The following PCCA variants were observed in gnomAD, a reference collection of about 807,000 sequenced individuals.
PCCA encodes the protein propionyl-CoA carboxylase subunit alpha.
PCCA carries 74 observed loss-of-function variants against 101.3 expected under a neutral mutation model. That is an observed-to-expected ratio of 0.73 (90% CI 0.61 to 0.89). The LOEUF is 0.89. Ranked by LOEUF, PCCA falls within the 40% of genes least tolerant of loss-of-function variation. The pLI is 0.00. For missense variants in PCCA, 891 were observed against 907.0 expected (o/e 0.98, Z 0.23); for synonymous variants, 294 against 313.6 (o/e 0.94, Z 0.66).
chr13:100,332,837 ATTGCTTTTAGCAATTATTTAG>A (rs1287182058), intron 17 of PCCA, among the ~76,000 whole-genome samples: 4 of 152,194 alleles, frequency 2.6e-5, no homozygotes, highest in Admixed American at 6.5e-5. Flanking sequence ...ATTGGCATAC[ATTGCTTTTAGCAATTATTTAG>A]TTGCAGCCTT....
chr13:100,111,972 C>A (rs2048361409), intron 3 of PCCA, 21 bp from the exon 4 acceptor site: 1 of 1,543,752 alleles, frequency 6.5e-7, no homozygotes, highest in Non-Finnish European at 9.0e-7. Flanking sequence ...TATTAATAGA[C>A]ATTAATATAT....
rs142321935 is a variant in PCCA at position 100,320,834 on chromosome 13, C to T, written c.1430-9727C>T. On this transcript the variant is annotated intron_variant, in intron 16 of 23. Coordinates refer to ENST00000376285, the MANE Select transcript of PCCA (RefSeq NM_000282.4). ...TGGCACAATTATAGCTCACTGCAGC[C>T]TTGAATTCCTGGATTCAAGTGATCT... Among the ~76,000 whole-genome samples the T allele has an allele frequency of 2.3e-4, 35 of 152,286 alleles. No homozygotes were observed. In the East Asian group the frequency reaches 6.6e-3, roughly 29 times the overall value.
chr13:100,187,987 T>A (rs2057432504), intron 6 of PCCA, among the ~76,000 whole-genome samples: 1 of 151,672 alleles, frequency 6.6e-6, no homozygotes, highest in South Asian at 2.1e-4. Flanking sequence ...TACTTATGGG[T>A]GAGAACATAC....
In PCCA at chr13:100,474,448, C is replaced by T. The variant is rs1022613521; in HGVS notation, c.1899+25143C>T. 7.3e-5 allele frequency among the ~76,000 whole-genome samples: 9 copies of T among 123,404 alleles called. No individual in the cohort carries two copies. The South Asian group carries it at 2.7e-3, about 37-fold the overall frequency. The allele number at this position is 123,404 out of a possible 152,430, so 81.0% of individuals were successfully genotyped here. A position where few individuals can be genotyped will look rare whatever the true frequency, so the allele number is the denominator to read the frequency against. Reference sequence around the variant, plus strand: ...TTTTATGTATTTACTGTTTCTCTCTCTCTCTCTCTCTCTCTCTCTCTGTCT... The same window carrying T: ...TTTTATGTATTTACTGTTTCTCTCTTTCTCTCTCTCTCTCTCTCTCTGTCT... On this transcript the variant is annotated intron_variant, in intron 21 of 23. Transcript: ENST00000376285.
chr13:100,408,726 A>T (rs1299942726), intron 19 of PCCA, among the ~76,000 whole-genome samples: 1 of 152,186 alleles, frequency 6.6e-6, no homozygotes, highest in East Asian at 1.9e-4. Context: ...AGGATGTAAA[A>T]CAAGATGGAA....
In PCCA at chr13:100,435,339, C is replaced by G. The variant is rs544857637; in HGVS notation, c.1845+9608C>G. 7.2e-5 allele frequency among the ~76,000 whole-genome samples: 11 copies of G among 152,262 alleles called. No individual in the cohort carries two copies. The South Asian group carries it at 2.3e-3, about 32-fold the overall frequency. On this transcript the variant is annotated intron_variant, in intron 20 of 23. Coordinates refer to ENST00000376285, the MANE Select transcript of PCCA (RefSeq NM_000282.4). ...ACAACCAAGATCTACCTCTGTGATCCAAACACCTCCCACCAGGCCCCACCT... is the reference window on the plus strand; with the variant it reads ...ACAACCAAGATCTACCTCTGTGATCGAAACACCTCCCACCAGGCCCCACCT...
intron 19 of PCCA, among the ~76,000 whole-genome samples, chr13:100,407,861 A>G (rs1376475578): frequency 1.3e-5 from 2 of 152,120 alleles, no homozygotes; most frequent in African/African-American, 4.8e-5. Flanking sequence ...AACTTTTTTA[A>G]AACTTGGGGC....
intron 16 of PCCA, among the ~76,000 whole-genome samples, chr13:100,320,256 C>A (rs2067873227): frequency 6.6e-6 from 1 of 152,186 alleles, no homozygotes; most frequent in Non-Finnish European, 1.5e-5. Context: ...GATATACAAT[C>A]ATGTCATCTG....
chr13:100,198,991 C>T (rs924174456), intron 6 of PCCA, among the ~76,000 whole-genome samples: 1 of 150,540 alleles, frequency 6.6e-6, no homozygotes, highest in African/African-American at 2.4e-5. Flanking sequence ...CTTCACTGGG[C>T]ATAGAGCTGC....
In PCCA at chr13:100,348,768, CTTTCTTTCTTTCTTT is replaced by C. The variant is rs1566976141; in HGVS notation, c.1643+8510_1643+8524del. 5.0e-3 allele frequency among the ~76,000 whole-genome samples: 475 copies of C among 94,524 alleles called. 3 individuals carry two copies. The highest frequency in any genetic ancestry group is 6.4e-3 in the Non-Finnish European group (302 of 47,238). 62.0% of individuals were successfully genotyped at this position (94,524 alleles called of 152,430 possible). ...TCTTTCTTTCTTTCTTTCTTTCTTTCTTTCTTTCTTTCTTTCTTTCTTCCTTCCTTCCTTCCTTCC... is the reference window on the plus strand; with the variant it reads ...TCTTTCTTTCTTTCTTTCTTTCTTTCCTTTCTTCCTTCCTTCCTTCCTTCC... On this transcript the variant is annotated intron_variant, in intron 18 of 23. Coordinates refer to ENST00000376285, the MANE Select transcript of PCCA (RefSeq NM_000282.4).
intron 10 of PCCA, among the ~76,000 whole-genome samples, chr13:100,267,774 A>C (rs2063041500): frequency 6.6e-6 from 1 of 152,214 alleles, no homozygotes; most frequent in Non-Finnish European, 1.5e-5. Flanking sequence ...TACATGTTAA[A>C]TTTGAATTTC....
At chr13:100,412,311 G>A (rs955443931) in intron 19 of PCCA, among the ~76,000 whole-genome samples, 1 of 152,162 alleles carries the variant, frequency 6.6e-6, no homozygotes, top group Non-Finnish European at 1.5e-5. Flanking sequence ...AGTATTAAAG[G>A]GTAATGGGAC....
intron 4 of PCCA, among the ~76,000 whole-genome samples, chr13:100,116,496 T>C (rs945623240): frequency 1.3e-5 from 2 of 152,170 alleles, no homozygotes; most frequent in African/African-American, 4.8e-5. Context: ...TTAGAGATGA[T>C]TATGCAGTTT....
intron 21 of PCCA, chr13:100,491,456 T>G (rs2084901657): frequency 3.8e-6 from 1 of 262,994 alleles, no homozygotes; most frequent in Admixed American, 5.2e-5. Flanking sequence ...CAAACTTTGT[T>G]TGTATGCCCC....
chr13:100,440,631 A>T (rs1294696338), intron 20 of PCCA, among the ~76,000 whole-genome samples: 1 of 151,960 alleles, frequency 6.6e-6, no homozygotes, highest in South Asian at 2.1e-4. Context: ...TAATTGTCTT[A>T]TGTTTTCAGT....
At chr13:100,223,857 C>G (rs923001191) in intron 7 of PCCA, among the ~76,000 whole-genome samples, 1 of 151,932 alleles carries the variant, frequency 6.6e-6, no homozygotes, top group East Asian at 1.9e-4. Flanking sequence ...TAGCTAGATA[C>G]AGAGTGTCGA....
chr13:100,247,203 C>T (rs1483845011), intron 8 of PCCA, among the ~76,000 whole-genome samples: 2 of 149,232 alleles, frequency 1.3e-5, no homozygotes, highest in Non-Finnish European at 1.5e-5. Context: ...CCACTGCGCC[C>T]AGCCTGTGTG....
At chr13:100,452,319 G>GT (rs933765711) in intron 21 of PCCA, among the ~76,000 whole-genome samples, 1 of 151,626 alleles carries the variant, frequency 6.6e-6, no homozygotes, top group African/African-American at 2.4e-5. Flanking sequence ...GCCATCTCTT[G>GT]TTTGGAGGAT....
At chr13:100,098,454 T>G (rs1331820930) in intron 1 of PCCA, among the ~76,000 whole-genome samples, 3 of 152,174 alleles carry the variant, frequency 2.0e-5, no homozygotes, top group Admixed American at 2.0e-4. Flanking sequence ...AAGTCCCACC[T>G]TGAGGTGCTG....
Sources: allele counts gnomAD v4.1 joint callset (sites outside exome capture counted in the v4.1 genomes callset), GRCh38; gene constraint gnomAD v4.1.1; transcripts MANE v1.5; gene names NCBI Gene and HGNC (gene_info 2026-07-23, HGNC 2026-07-21).